MLIP: variants seen among roughly 807,000 people sequenced by gnomAD.
MLIP encodes muscular LMNA interacting protein.
MLIP carries 79 observed loss-of-function variants against 84.8 expected under a neutral mutation model. That is an observed-to-expected ratio of 0.93 (90% CI 0.78 to 1.12). MLIP has a LOEUF of 1.12. Ranked by LOEUF, MLIP falls within the 50% of genes most tolerant of loss-of-function variation. The pLI, the probability that MLIP is intolerant of heterozygous loss-of-function variation, is 0.00. For missense variants in MLIP, 1,257 were observed against 1,160.6 expected (o/e 1.08, Z -1.21); for synonymous variants, 504 against 463.0 (o/e 1.09, Z -1.14).
At chr6:54,189,493 G>T (rs1777709886) in intron 9 of MLIP, among the ~76,000 whole-genome samples, 1 of 151,992 alleles carries the variant, frequency 6.6e-6, no homozygotes, top group African/African-American at 2.4e-5. Context: ...TAAATAAATA[G>T]AAATAGCAAC....
intron 1 of MLIP, among the ~76,000 whole-genome samples, chr6:54,098,806 A>G (rs768634762): frequency 1.4e-4 from 22 of 152,170 alleles, no homozygotes; most frequent in Non-Finnish European, 3.1e-4. Context: ...ATACTGTTCC[A>G]AAGGCGTATG....
chr6:54,092,412 C>T lies in MLIP; in HGVS notation c.64-29035C>T, dbSNP rs148374820. Among the ~76,000 whole-genome samples, 9 of 152,242 alleles carry T rather than the reference C, an allele frequency of 5.9e-5. No homozygotes were observed. The East Asian group carries it at 1.4e-3, about 23-fold the overall frequency. On this transcript the variant is annotated intron_variant, in intron 1 of 12. Coordinates refer to the MLIP transcript ENST00000274897. ...CTTGGTACAAGTTCAAATCATTTCA[C>T]AGTAGTCCTATGTTTGACAGGCTAT...
At chr6:54,248,083 G>A (rs183187861) in intron 12 of MLIP, among the ~76,000 whole-genome samples, 72 of 152,080 alleles carry the variant, frequency 4.7e-4, no homozygotes, top group Non-Finnish European at 6.0e-4. Flanking sequence ...TATGGAACTC[G>A]GGAATATTAA....
intron 11 of MLIP, among the ~76,000 whole-genome samples, chr6:54,219,047 C>CAA (rs536346603): frequency 6.7e-6 from 1 of 148,466 alleles, no homozygotes; most frequent in South Asian, 2.1e-4. Context: ...ACTAAAAGTA[C>CAA]AAAAAAAAAT....
rs780414290 is a variant in MLIP, at chr6:54,230,817, C to A, written c.2822C>A (p.Ala941Asp). The A allele has an allele frequency of 5.8e-5, 93 of 1,613,930 alleles. No individual in the cohort carries two copies. The Admixed American group carries it at 1.5e-3, about 26-fold the overall frequency. The change falls in exon 12 of 14, where the codon GCT becomes GAT. Residue 941 changes from alanine to aspartate, a missense_variant. Transcript: ENST00000502396. ...CTGCATCCACAGACCCTCTCACATG[C>A]TGACTGTCTTGCCCCAGGACCCTTC... ...SLLHPQTLSH[A>D]DCLAPGPFSH...
At chr6:54,251,609 A>G (rs372340884) in intron 12 of MLIP, among the ~76,000 whole-genome samples, 1 of 85,170 alleles carries the variant, frequency 1.2e-5, no homozygotes, top group African/African-American at 7.0e-5. Flanking sequence ...ATATATTATA[A>G]CATATAATAT....
chr6:54,183,806 G>A (rs372868896), intron 9 of MLIP, among the ~76,000 whole-genome samples: 1 of 145,742 alleles, frequency 6.9e-6, no homozygotes, highest in African/African-American at 2.5e-5. Context: ...GTGCAGTGGC[G>A]CGATCGTGAC....
At chr6:54,173,365 T>C (rs1299885003) in intron 9 of MLIP, among the ~76,000 whole-genome samples, 1 of 151,882 alleles carries the variant, frequency 6.6e-6, no homozygotes, top group Non-Finnish European at 1.5e-5. Context: ...AATTATTTCT[T>C]CATGCCCAAT....
chr6:54,248,943 C>CTTTTGTG (rs2150861465), intron 12 of MLIP, among the ~76,000 whole-genome samples: 1 of 152,076 alleles, frequency 6.6e-6, no homozygotes, highest in African/African-American at 2.4e-5. Flanking sequence ...AGGGAGTACA[C>CTTTTGTG]AAAAGAATGT....
chr6:54,173,176 A>G (rs1775942325), intron 9 of MLIP, among the ~76,000 whole-genome samples: 1 of 151,712 alleles, frequency 6.6e-6, no homozygotes, highest in African/African-American at 2.4e-5. Flanking sequence ...TCTCCATTAT[A>G]CAGAGTGGGA....
At chr6:54,110,337 T>TA (rs1769361653), upstream of MLIP, among the ~76,000 whole-genome samples, 1 of 152,182 alleles carries the variant, frequency 6.6e-6, no homozygotes, top group Non-Finnish European at 1.5e-5. Context: ...GTTATTTGTT[T>TA]ACCTGTTTTA....
chr6:54,073,741 A>G (rs187167744), intron 1 of MLIP, among the ~76,000 whole-genome samples: 2 of 152,324 alleles, frequency 1.3e-5, no homozygotes, highest in Non-Finnish European at 2.9e-5. Flanking sequence ...CTTAGAGGAC[A>G]GCTCACAAAT....
intron 2 of MLIP, among the ~76,000 whole-genome samples, chr6:54,124,228 A>C (rs1393827642): frequency 6.6e-6 from 1 of 152,166 alleles, no homozygotes; most frequent in East Asian, 1.9e-4. Context: ...ACTTGAAAAC[A>C]GTTAGGTTTG....
intron 11 of MLIP, among the ~76,000 whole-genome samples, chr6:54,202,667 A>G (rs1383097219): frequency 6.6e-6 from 1 of 152,074 alleles, no homozygotes; most frequent in Admixed American, 6.6e-5. Context: ...CCAAGGCAGG[A>G]GTATTGCTTG....
intron 1 of MLIP, among the ~76,000 whole-genome samples, chr6:54,022,460 A>G (rs1482376400): frequency 6.6e-6 from 1 of 152,242 alleles, no homozygotes; most frequent in Non-Finnish European, 1.5e-5. Flanking sequence ...TGGAATAATG[A>G]TAGACAAAGA....
intron 3 of MLIP, among the ~76,000 whole-genome samples, chr6:54,136,292 G>A (rs544295193): frequency 6.6e-6 from 1 of 152,210 alleles, no homozygotes; most frequent in South Asian, 2.1e-4. Context: ...TTTAAGACTT[G>A]TAGTCGTTAT....
intron 12 of MLIP, among the ~76,000 whole-genome samples, chr6:54,252,231 A>ATAATATATAAG (rs1582635031): frequency 2.9e-5 from 3 of 101,700 alleles, no homozygotes; most frequent in South Asian, 3.2e-4. Flanking sequence ...ATATTATAAC[A>ATAATATATAAG]TATAATATAT....
intron 12 of MLIP, among the ~76,000 whole-genome samples, chr6:54,256,285 T>C (rs1782999569): frequency 6.6e-6 from 1 of 152,158 alleles, no homozygotes; most frequent in Non-Finnish European, 1.5e-5. Context: ...CTCCTTGGCC[T>C]CCCTAGCAGC....
At chr6:54,124,890 A>G (rs751480432) in intron 3 of MLIP, 25 bp downstream of exon 3, 8 of 1,530,898 alleles carry the variant, frequency 5.2e-6, no homozygotes, top group Non-Finnish European at 7.0e-6. Context: ...CCTGCTGTCC[A>G]TAAGGAAAAA....
Sources: allele counts gnomAD v4.1 joint callset (sites outside exome capture counted in the v4.1 genomes callset), GRCh38; gene constraint gnomAD v4.1.1; transcripts MANE v1.5; gene names NCBI Gene and HGNC (gene_info 2026-07-23, HGNC 2026-07-21).